Variants in OCIAD2 observed in about 807,000 individuals in gnomAD.
OCIAD2 encodes OCIA domain containing 2, also known as OCIA domain-containing protein 2.
A neutral mutation model predicts 22.9 loss-of-function variants in OCIAD2; 29 were observed. That is an observed-to-expected ratio of 1.27 (90% CI 0.94 to 1.73). The LOEUF (loss-of-function observed/expected upper bound fraction) is 1.73, where lower values mean the gene tolerates loss of function less well. Ranked by LOEUF, OCIAD2 falls within the 40% of genes most tolerant of loss-of-function variation. The pLI, the probability that OCIAD2 is intolerant of heterozygous loss-of-function variation, is 0.00. For missense variants in OCIAD2, 189 were observed against 180.3 expected (o/e 1.05, Z -0.28); for synonymous variants, 67 against 60.2 (o/e 1.11, Z -0.52).
intron 2 of OCIAD2, among the ~76,000 whole-genome samples, chr4:48,901,773 C>T (rs1273186453): frequency 6.6e-6 from 1 of 152,064 alleles, no homozygotes; most frequent in African/African-American, 2.4e-5. Flanking sequence ...GACAGGGTCT[C>T]GCTCTGTCAC....
At position 48,885,176 on chromosome 4, in the gene OCIAD2, A is replaced by C. The variant is rs1560454388; in HGVS notation, c.*308T>G. 4.6e-6 allele frequency: 1 copy of C among 217,158 alleles called. No individual in the cohort carries two copies. Among genetic ancestry groups the C allele is most frequent in the Admixed American group, 5.8e-5 (1 of 17,284 alleles). 13.5% of individuals were successfully genotyped at this position (217,158 alleles called of 1,614,324 possible). On this transcript the variant is annotated 3_prime_UTR_variant, in exon 7 of 7. Transcript: ENST00000508632. Reference sequence around the variant, plus strand: ...GCTAATTTTTATATTTTTAGCAGAGATGGGGTTTCACCATGTTGGCCAAGC... The same window carrying C: ...GCTAATTTTTATATTTTTAGCAGAGCTGGGGTTTCACCATGTTGGCCAAGC...
chr4:48,905,219 G>T (rs1486502807), intron 1 of OCIAD2, among the ~76,000 whole-genome samples: 1 of 152,088 alleles, frequency 6.6e-6, no homozygotes, highest in East Asian at 1.9e-4. Flanking sequence ...GGGTGCCTGT[G>T]GGGGCAAACA....
Position 48,895,007 on chromosome 4 carries a change from A to G in OCIAD2, c.218-954T>C, listed in dbSNP as rs1781271639. ...TGTCATCCTTCAGTGTGGAAGAGGA[A>G]ACTGGTGACAGGCAGAGAGATGGCA... On this transcript the variant is annotated intron_variant, in intron 4 of 6. Transcript: ENST00000508632. Among the ~76,000 whole-genome samples, 4 of 152,230 alleles carry G rather than the reference A, an allele frequency of 2.6e-5. No individual in the cohort carries two copies. In the South Asian group the frequency reaches 8.3e-4, roughly 32 times the overall value.
intron 6 of OCIAD2, among the ~76,000 whole-genome samples, chr4:48,890,879 A>G (rs1412597703): frequency 1.3e-5 from 2 of 152,294 alleles, no homozygotes; most frequent in Middle Eastern, 3.4e-3. Flanking sequence ...CCCTGAAGAC[A>G]TGGAGGAGGA....
chr4:48,903,917 T>G (rs1781471375), intron 2 of OCIAD2, among the ~76,000 whole-genome samples: 2 of 151,168 alleles, frequency 1.3e-5, no homozygotes, highest in Non-Finnish European at 2.9e-5. Flanking sequence ...AGTGCTGGGA[T>G]TACAGGCGTG....
intron 4 of OCIAD2, among the ~76,000 whole-genome samples, chr4:48,894,336 T>C (rs908932888): frequency 6.6e-6 from 1 of 151,892 alleles, no homozygotes; most frequent in African/African-American, 2.4e-5. Context: ...ACTAAAAAAA[T>C]ACAAAACTTA....
intron 6 of OCIAD2, among the ~76,000 whole-genome samples, chr4:48,888,077 G>A (rs1213252905): frequency 6.6e-6 from 1 of 152,096 alleles, no homozygotes; most frequent in African/African-American, 2.4e-5. Flanking sequence ...TGGATTCCTA[G>A]GTATTTTATT....
At chr4:48,904,766 C>CA (rs1781491925) in intron 1 of OCIAD2, 155 bp from the exon 2 acceptor site, 1 of 602,720 alleles carries the variant, frequency 1.7e-6, no homozygotes, top group Non-Finnish European at 3.0e-6. Flanking sequence ...CCTCTTCCAC[C>CA]AGCACACATA....
chr4:48,892,820 A>G lies in OCIAD2; in HGVS notation c.335T>C (p.Phe112Ser). 6.2e-7 allele frequency: 1 copy of G among 1,613,344 alleles called. No homozygotes were observed. Residue 112 changes from phenylalanine to serine, a missense_variant, in exon 6 of 7, where the codon TTT (phenylalanine) becomes TCT (serine). Phe to Ser is a radical substitution (Grantham distance 155). Transcript: ENST00000508632. ...AGCCCCACGGAGCTGATCTTCAAAA[A>G]AATGGAATTTACTCTGGCATACTCC... ...YIGVCQSKFHFFEDQLRGAGF... is the reference protein window; with the variant it reads ...YIGVCQSKFHSFEDQLRGAGF...
intron 6 of OCIAD2, among the ~76,000 whole-genome samples, chr4:48,888,462 G>A (rs1781060360): frequency 6.6e-6 from 1 of 152,138 alleles, no homozygotes; most frequent in East Asian, 1.9e-4. Flanking sequence ...GTATGATATT[G>A]GCTGTGGGTT....
chr4:48,903,653 T>C (rs1448590013), intron 2 of OCIAD2, among the ~76,000 whole-genome samples: 1 of 148,346 alleles, frequency 6.7e-6, no homozygotes, highest in Non-Finnish European at 1.5e-5. Context: ...TTTTTTTTTT[T>C]TTCTTTTTTT....
At chr4:48,885,625 T>C (rs1780962658) in intron 6 of OCIAD2, 60 bp from the exon 7 acceptor site, 5 of 830,022 alleles carry the variant, frequency 6.0e-6, no homozygotes, top group Non-Finnish European at 1.0e-5. Flanking sequence ...CCCTAGTCTT[T>C]ACATAACATA....
intron 4 of OCIAD2, 108 bp downstream of exon 4, chr4:48,897,696 A>G: frequency 1.2e-6 from 1 of 830,448 alleles, no homozygotes; most frequent in Non-Finnish European, 2.1e-6. Flanking sequence ...GTCTGCATAA[A>G]TACATCCTTC....
intron 4 of OCIAD2, chr4:48,897,027 C>T (rs1781316770): frequency 6.6e-6 from 1 of 152,324 alleles, no homozygotes; most frequent in Admixed American, 6.5e-5. Flanking sequence ...GACAGGGTGC[C>T]CTCCTCAGGC....
Position 48,902,908 on chromosome 4 carries a change from G to C in OCIAD2, c.66+1576C>G, listed in dbSNP as rs542767217. ...GTGGAGGTTGCAGTGAGCCAAGATT[G>C]TTCCATAGCACTCTAGCCTGGATGA... On this transcript the variant is annotated intron_variant, in intron 2 of 6. Coordinates refer to ENST00000508632, the MANE Select transcript of OCIAD2 (RefSeq NM_001014446.3). Among the ~76,000 whole-genome samples the C allele has an allele frequency of 5.9e-5, 9 of 152,188 alleles. No individual in the cohort carries two copies. In the East Asian group the frequency reaches 1.7e-3, roughly 29 times the overall value.
intron 6 of OCIAD2, 122 bp downstream of exon 6, chr4:48,892,650 G>A: frequency 1.9e-6 from 1 of 525,006 alleles, no homozygotes; most frequent in Non-Finnish European, 3.4e-6. Flanking sequence ...CTAAACTTGA[G>A]GGTTAAAACT....
At chr4:48,891,494 T>C (rs1781177610) in intron 6 of OCIAD2, among the ~76,000 whole-genome samples, 1 of 152,202 alleles carries the variant, frequency 6.6e-6, no homozygotes, top group African/African-American at 2.4e-5. Context: ...AAAGGAGCCC[T>C]GGAAACTAGT....
In OCIAD2 at chr4:48,887,650, T is replaced by C. The variant is rs545054683; in HGVS notation, c.384-2085A>G. 2.6e-5 allele frequency among the ~76,000 whole-genome samples: 4 copies of C among 152,308 alleles called. No individual in the cohort carries two copies. In the South Asian group the frequency reaches 8.3e-4, roughly 32 times the overall value. On this transcript the variant is annotated intron_variant, in intron 6 of 6. Coordinates refer to ENST00000508632, the MANE Select transcript of OCIAD2 (RefSeq NM_001014446.3). ...TTGTCAAAGATCAGATAGTTGTAGA[T>C]ATGCGGCATTATTTCTGAGGGCTCT...
chr4:48,890,225 G>T (rs1198866377), intron 6 of OCIAD2, among the ~76,000 whole-genome samples: 3 of 151,748 alleles, frequency 2.0e-5, no homozygotes, highest in Non-Finnish European at 4.4e-5. Context: ...CTGCAATGTT[G>T]TGCACATGTA....
Sources: gnomAD v4.1 joint callset for allele counts (sites outside exome capture counted in the v4.1 genomes callset) on GRCh38, gnomAD v4.1.1 for gene constraint, MANE v1.5 for transcripts, NCBI Gene and HGNC (gene_info 2026-07-23, HGNC 2026-07-21) for gene names.